CCNY: variants seen among roughly 807,000 people sequenced by gnomAD.
The protein encoded by CCNY is cyclin-Y.
In CCNY, 19 loss-of-function variants were observed where a neutral mutation model predicts 42.8. The observed-to-expected ratio is 0.44, with a 90% confidence interval of 0.31 to 0.65. The LOEUF is 0.65. Ranked by LOEUF, CCNY falls within the 30% of genes least tolerant of loss-of-function variation. The pLI, the probability that CCNY is intolerant of heterozygous loss-of-function variation, is 0.07. For synonymous variants in CCNY, 165 were observed against 162.7 expected (o/e 1.01, Z -0.11); for missense variants, 370 against 437.3 (o/e 0.85, Z 1.37).
intron 1 of CCNY, among the ~76,000 whole-genome samples, chr10:35,377,129 C>T (rs559660696): frequency 5.3e-5 from 8 of 152,078 alleles, no homozygotes; most frequent in South Asian, 2.1e-4. Flanking sequence ...TGAGTGTTGC[C>T]GTAATGTCAT....
intron 2 of CCNY, among the ~76,000 whole-genome samples, chr10:35,491,259 A>C (rs1839888791): frequency 6.6e-6 from 1 of 152,214 alleles, no homozygotes; most frequent in African/African-American, 2.4e-5. Flanking sequence ...CTCTTGGGTC[A>C]TAACTTCCTA....
At position 35,370,447 on chromosome 10, in the gene CCNY, G is replaced by A. The variant is rs186199311; in HGVS notation, c.154+33240G>A. Among the ~76,000 whole-genome samples the A allele has an allele frequency of 1.8e-3, 271 of 152,062 alleles. 1 individual carries two copies. Among genetic ancestry groups the A allele is most frequent in the Non-Finnish European group, 2.6e-3 (179 of 68,022 alleles). ...ATTACAGGCGTGAGCCACCGCGCCC[G>A]GCCGTTCCTCATCCATATTCTTTTG... is the stretch of plus-strand genomic sequence containing the variant. On this transcript the variant is annotated intron_variant, in intron 1 of 9. Coordinates refer to ENST00000374704, the MANE Select transcript of CCNY (RefSeq NM_145012.6).
intron 1 of CCNY, among the ~76,000 whole-genome samples, chr10:35,443,566 G>T (rs1330017826): frequency 1.3e-5 from 2 of 152,118 alleles, no homozygotes; most frequent in Non-Finnish European, 2.9e-5. Flanking sequence ...TGAAGTAGAG[G>T]TTCCTCTTCA....
intron 1 of CCNY, among the ~76,000 whole-genome samples, chr10:35,401,328 T>C (rs1233471090): frequency 2.6e-5 from 4 of 152,228 alleles, no homozygotes; most frequent in Non-Finnish European, 1.5e-5. Flanking sequence ...TAGTGCTGTC[T>C]GTCTGTCTGG....
At chr10:35,337,642 G>A (rs56668170) in intron 1 of CCNY, among the ~76,000 whole-genome samples, 10,695 of 152,186 alleles carry the variant, frequency 0.07, 399 homozygotes, top group African/African-American at 0.087. Flanking sequence ...TTGGAATCCC[G>A]GTGTCTCCAA....
chr10:35,251,844 GGCCCAAACT>G (rs2095712279), intron 3 of CCNY, among the ~76,000 whole-genome samples: 1 of 151,994 alleles, frequency 6.6e-6, no homozygotes, highest in African/African-American at 2.4e-5. Flanking sequence ...CTGTTTCGGC[GGCCCAAACT>G]GCTAGGATTG....
chr10:35,495,221 TTTC>T (rs1564434185), intron 2 of CCNY, among the ~76,000 whole-genome samples: 1 of 152,262 alleles, frequency 6.6e-6, no homozygotes. Flanking sequence ...GCAGTTGCAT[TTTC>T]TTCTTTATAT....
At chr10:35,556,010 G>A (rs1841356118) in intron 8 of CCNY, among the ~76,000 whole-genome samples, 1 of 152,132 alleles carries the variant, frequency 6.6e-6, no homozygotes, top group Non-Finnish European at 1.5e-5. Context: ...TAGTAGGATT[G>A]ATGTTAAAAC....
intron 1 of CCNY, among the ~76,000 whole-genome samples, chr10:35,363,356 G>A (rs1278653300): frequency 6.7e-6 from 1 of 149,962 alleles, no homozygotes; most frequent in African/African-American, 2.5e-5. Flanking sequence ...GGGGCGGCCG[G>A]GCAGAGGTGC....
chr10:35,453,078 A>C (rs1022658970), intron 1 of CCNY, among the ~76,000 whole-genome samples: 2 of 152,180 alleles, frequency 1.3e-5, no homozygotes, highest in African/African-American at 4.8e-5. Context: ...GGGCTCAAGC[A>C]TTCCTCTTGT....
intron 3 of CCNY, among the ~76,000 whole-genome samples, chr10:35,255,829 A>G (rs1195449949): frequency 1.3e-5 from 2 of 152,148 alleles, no homozygotes; most frequent in Non-Finnish European, 2.9e-5. Flanking sequence ...TCCTGGGCTC[A>G]AGCGATTTGA....
chr10:35,501,434 C>A, intron 2 of CCNY, 67 bp from the exon 3 acceptor site: 2 of 1,381,626 alleles, frequency 1.4e-6, no homozygotes, highest in Non-Finnish European at 2.1e-6. Context: ...AGGCCCAGTC[C>A]TCATCCACCT....
At chr10:35,471,060 T>A (rs771367085) in intron 1 of CCNY, among the ~76,000 whole-genome samples, 1 of 152,196 alleles carries the variant, frequency 6.6e-6, no homozygotes, top group Non-Finnish European at 1.5e-5. Context: ...GTACCACAGT[T>A]GGCCTCCCAG....
At chr10:35,491,464 C>T (rs975239420) in intron 2 of CCNY, among the ~76,000 whole-genome samples, 1 of 152,164 alleles carries the variant, frequency 6.6e-6, no homozygotes, top group Non-Finnish European at 1.5e-5. Flanking sequence ...CCACCCCGTC[C>T]TGCCAGTGTA....
chr10:35,345,428 C>T (rs12263433), intron 1 of CCNY, among the ~76,000 whole-genome samples: 2,514 of 148,470 alleles, frequency 0.017, 52 homozygotes, highest in African/African-American at 0.043. Context: ...GAGGTAGCGC[C>T]ACTGCACTCT....
intron 1 of CCNY, among the ~76,000 whole-genome samples, chr10:35,426,109 G>GCACACACACACA (rs1341818857): frequency 5.4e-5 from 6 of 111,674 alleles, no homozygotes; most frequent in East Asian, 2.6e-4. Context: ...GGTCCAGCAC[G>GCACACACACACA]CGCACACACA....
intron 1 of CCNY, among the ~76,000 whole-genome samples, chr10:35,348,154 T>C (rs991342002): frequency 6.6e-6 from 1 of 152,240 alleles, no homozygotes; most frequent in African/African-American, 2.4e-5. Context: ...TTATATAGCA[T>C]TAGAGATTGT....
At chr10:35,534,754 C>T (rs1205401769) in intron 7 of CCNY, among the ~76,000 whole-genome samples, 1 of 152,132 alleles carries the variant, frequency 6.6e-6, no homozygotes, top group South Asian at 2.1e-4. Context: ...CGTTCTTAGC[C>T]TCCACCCAGG....
At chr10:35,449,835 G>A (rs1838877573) in intron 1 of CCNY, 2 of 983,570 alleles carry the variant, frequency 2.0e-6, no homozygotes, top group Non-Finnish European at 1.2e-6. Flanking sequence ...GCCAGGGAGT[G>A]TTGGAGGTTG....
Sources: gnomAD v4.1 joint callset for allele counts (sites outside exome capture counted in the v4.1 genomes callset) on GRCh38, gnomAD v4.1.1 for gene constraint, MANE v1.5 for transcripts, NCBI Gene and HGNC (gene_info 2026-07-23, HGNC 2026-07-21) for gene names.